Variants in EYS observed in about 807,000 individuals in gnomAD.
The protein encoded by EYS is EGF-like photoreceptor maintenance factor.
EYS carries 250 observed loss-of-function variants against 282.1 expected under a neutral mutation model. The observed-to-expected ratio is 0.89, with a 90% CI of 0.80 to 0.98. EYS has a LOEUF of 0.98. Ranked by LOEUF, EYS falls within the 50% of genes least tolerant of loss-of-function variation. EYS has a pLI of 0.00. For missense variants in EYS, 4,016 were observed against 3,709.0 expected (o/e 1.08, Z -2.15); for synonymous variants, 1,355 against 1,282.9 (o/e 1.06, Z -1.20).
chr6:64,166,436 G>C (rs1404838792), intron 31 of EYS, among the ~76,000 whole-genome samples: 2 of 152,116 alleles, frequency 1.3e-5, no homozygotes, highest in Non-Finnish European at 1.5e-5. Flanking sequence ...ATCAAATACA[G>C]CTCATAAATT....
At chr6:65,035,906 A>C (rs1236852465) in intron 13 of EYS, among the ~76,000 whole-genome samples, 1 of 147,094 alleles carries the variant, frequency 6.8e-6, no homozygotes, top group East Asian at 2.0e-4. Context: ...ATATATTTTT[A>C]TATTATAGTG....
intron 31 of EYS, among the ~76,000 whole-genome samples, chr6:64,196,980 CT>C (rs1008634351): frequency 2.2e-4 from 33 of 147,396 alleles, no homozygotes; most frequent in Admixed American, 5.4e-4. Context: ...ACTAGTGGCA[CT>C]TTTTTTTTTG....
At chr6:65,159,580 AT>A (rs887088235) in intron 12 of EYS, among the ~76,000 whole-genome samples, 1 of 150,752 alleles carries the variant, frequency 6.6e-6, no homozygotes, top group African/African-American at 2.4e-5. Context: ...ACCTCTATCA[AT>A]TACCAAGCTT....
chr6:64,099,783 T>C (rs1772763149), intron 31 of EYS, among the ~76,000 whole-genome samples: 1 of 152,136 alleles, frequency 6.6e-6, no homozygotes, highest in African/African-American at 2.4e-5. Flanking sequence ...TGCTAGCTGG[T>C]GGGTTAACTA....
chr6:64,210,863 C>T (rs1334156428), intron 31 of EYS, among the ~76,000 whole-genome samples: 2 of 152,000 alleles, frequency 1.3e-5, no homozygotes, highest in Non-Finnish European at 2.9e-5. Context: ...CTGCGTATAA[C>T]AAAAAAGCAG....
intron 33 of EYS, among the ~76,000 whole-genome samples, chr6:64,035,349 A>G (rs953033358): frequency 1.3e-5 from 2 of 152,204 alleles, no homozygotes; most frequent in East Asian, 3.8e-4. Flanking sequence ...CATGCTAGAA[A>G]ATTCTTTAGA....
At chr6:65,617,386 TA>T (rs1351922724) in intron 2 of EYS, among the ~76,000 whole-genome samples, 1 of 152,124 alleles carries the variant, frequency 6.6e-6, no homozygotes, top group Non-Finnish European at 1.5e-5. Context: ...CTTCAAAAAC[TA>T]TTCTATCATT....
intron 31 of EYS, among the ~76,000 whole-genome samples, chr6:64,217,723 T>C (rs1451542401): frequency 6.6e-6 from 1 of 152,148 alleles, no homozygotes; most frequent in Non-Finnish European, 1.5e-5. Flanking sequence ...CTACCTCCCC[T>C]TCTAAAGATG....
rs757043258 is a variant in EYS, at chr6:63,788,268, A to G, written c.7579-19T>C. ...CATCTACCTTCGAAAGGGAAAAAAA[A>G]CCTATTAAAAAAGGAATTAATTCCC... On this transcript the variant is annotated intron_variant, in intron 38 of 42. Transcript: ENST00000503581. The G allele has an allele frequency of 4.0e-6, 6 of 1,512,144 alleles. No individual in the cohort carries two copies. In the South Asian group the frequency reaches 7.8e-5, roughly 20 times the overall value. The allele number at this position is 1,512,144 out of a possible 1,614,324, so 93.7% of individuals were successfully genotyped here.
chr6:64,914,564 T>C (rs1367079194), intron 15 of EYS, among the ~76,000 whole-genome samples: 1 of 151,992 alleles, frequency 6.6e-6, no homozygotes, highest in East Asian at 1.9e-4. Flanking sequence ...AAGCCCCAGA[T>C]ATATCAAGGC....
intron 29 of EYS, among the ~76,000 whole-genome samples, chr6:64,358,914 G>T (rs542595877): frequency 6.6e-6 from 1 of 151,586 alleles, no homozygotes; most frequent in Non-Finnish European, 1.5e-5. Flanking sequence ...CCATAATTTT[G>T]TCATCAAAGA....
chr6:63,727,706 CAAAAAA>C (rs1169878020), intron 41 of EYS, among the ~76,000 whole-genome samples: 5 of 9,526 alleles, frequency 5.2e-4, no homozygotes, highest in Non-Finnish European at 8.2e-4. Flanking sequence ...CACCATCTCT[CAAAAAA>C]AAAAAAAAAA....
chr6:64,504,599 G>A (rs1176580184), intron 26 of EYS, among the ~76,000 whole-genome samples: 1 of 152,170 alleles, frequency 6.6e-6, no homozygotes, highest in African/African-American at 2.4e-5. Context: ...GACGCTATGA[G>A]GAGCCAGGGA....
chr6:65,214,279 A>C (rs886288581), intron 12 of EYS, among the ~76,000 whole-genome samples: 2 of 152,116 alleles, frequency 1.3e-5, no homozygotes, highest in Non-Finnish European at 2.9e-5. Context: ...GAAAGAAATT[A>C]AAAGTGTTAC....
chr6:64,404,899 C>T (rs898265851), intron 28 of EYS, among the ~76,000 whole-genome samples: 4 of 152,018 alleles, frequency 2.6e-5, no homozygotes, highest in African/African-American at 9.7e-5. Context: ...CAGAATCATA[C>T]CATGTGTGGG....
intron 8 of EYS, among the ~76,000 whole-genome samples, chr6:65,377,682 A>G (rs768753274): frequency 3.4e-4 from 51 of 152,120 alleles, no homozygotes; most frequent in Non-Finnish European, 6.0e-4. Context: ...ATAAAAAATG[A>G]TAAAGGGGAT....
intron 12 of EYS, among the ~76,000 whole-genome samples, chr6:65,103,361 CA>C (rs1185237003): frequency 1.3e-5 from 2 of 151,524 alleles, no homozygotes; most frequent in East Asian, 3.9e-4. Context: ...AATGTATAGC[CA>C]GGGCTAAGAA....
chr6:63,848,635 G>C (rs944548385), intron 36 of EYS, among the ~76,000 whole-genome samples: 1 of 152,020 alleles, frequency 6.6e-6, no homozygotes, highest in African/African-American at 2.4e-5. Context: ...TGTCACGAGG[G>C]ATGGTGCTAT....
chr6:64,338,343 G>A (rs1770941583), intron 29 of EYS, among the ~76,000 whole-genome samples: 1 of 151,548 alleles, frequency 6.6e-6, no homozygotes, highest in Admixed American at 6.6e-5. Context: ...CAGCGACCAA[G>A]CAAAGAATCA....
Sources: gnomAD v4.1 joint callset for allele counts (sites outside exome capture counted in the v4.1 genomes callset) on GRCh38, gnomAD v4.1.1 for gene constraint, MANE v1.5 for transcripts, NCBI Gene and HGNC (gene_info 2026-07-23, HGNC 2026-07-21) for gene names.